Variants in CD38 observed in about 807,000 individuals in gnomAD.
CD38 encodes the protein CD38 molecule.
Under a neutral mutation model 36.3 loss-of-function variants are expected in CD38, and 31 were observed. That is an observed-to-expected ratio of 0.85 (90% confidence interval 0.64 to 1.15). The LOEUF (loss-of-function observed/expected upper bound fraction) is 1.15. Ranked by LOEUF, CD38 falls within the 50% of genes most tolerant of loss-of-function variation. The pLI, the probability that CD38 is intolerant of heterozygous loss-of-function variation, is 0.00. For missense variants in CD38, 380 were observed against 371.9 expected, an observed-to-expected ratio of 1.02 and a Z score of -0.18; for synonymous variants, 131 against 135.2, an observed-to-expected ratio of 0.97 and a Z score of 0.22.
chr4:15,810,321 T>C (rs1359762753), intron 1 of CD38, among the ~76,000 whole-genome samples: 1 of 152,220 alleles, frequency 6.6e-6, no homozygotes, highest in Non-Finnish European at 1.5e-5. Flanking sequence ...TGAAAGCATC[T>C]GGTACATGTA....
Position 15,848,528 on chromosome 4 carries a change from T to A in CD38, c.840-11T>A. On this transcript the variant is annotated splice_polypyrimidine_tract_variant and intron_variant, in intron 7 of 7. Coordinates refer to ENST00000226279, the MANE Select transcript of CD38 (RefSeq NM_001775.4). ...GGTCTCTTGATTTCCTTTTTTGCTT[T>A]CTTGTCATAGACCTGACAAGTTTCT... 1 of 1,609,104 alleles carries A rather than the reference T, an allele frequency of 6.2e-7. No homozygotes were observed. Among genetic ancestry groups the A allele is most frequent in the Non-Finnish European group, 8.5e-7 (1 of 1,175,474 alleles).
chr4:15,824,631 CT>C (rs1723806728), intron 2 of CD38, among the ~76,000 whole-genome samples: 1 of 152,016 alleles, frequency 6.6e-6, no homozygotes, highest in Non-Finnish European at 1.5e-5. Flanking sequence ...GGCTTTCAGA[CT>C]TTTTTGACTG....
intron 2 of CD38, among the ~76,000 whole-genome samples, chr4:15,823,810 T>G (rs1358171321): frequency 6.6e-6 from 1 of 152,168 alleles, no homozygotes; most frequent in Non-Finnish European, 1.5e-5. Context: ...ATCCCATTAC[T>G]GGGTATAATA....
intron 1 of CD38, among the ~76,000 whole-genome samples, chr4:15,808,714 A>G (rs1723399029): frequency 6.6e-6 from 1 of 152,202 alleles, no homozygotes; most frequent in Admixed American, 6.5e-5. Flanking sequence ...TTATAGTTGA[A>G]CAGTTCAAAA....
intron 1 of CD38, among the ~76,000 whole-genome samples, chr4:15,812,286 C>T (rs746681278): frequency 1.3e-5 from 2 of 152,180 alleles, no homozygotes; most frequent in African/African-American, 2.4e-5. Flanking sequence ...GTGTTCCTTA[C>T]ATTTCCATAT....
Position 15,806,442 on chromosome 4 carries a change from C to T in CD38, c.234-10069C>T, listed in dbSNP as rs143602774. On this transcript the variant is annotated intron_variant, in intron 1 of 7. Coordinates refer to ENST00000226279, the MANE Select transcript of CD38 (RefSeq NM_001775.4). ...CTCTGCCACTTGGACAAGGTGATAA[C>T]GCTTTAGTCTCTTTATTTCTAAAAC... Among the ~76,000 whole-genome samples the T allele has an allele frequency of 5.6e-3, 848 of 152,292 alleles. 2 individuals carry two copies. The highest frequency in any genetic ancestry group is 0.034 in the Middle Eastern group (10 of 294).
At chr4:15,800,025 A>G (rs1723185713) in intron 1 of CD38, among the ~76,000 whole-genome samples, 1 of 152,192 alleles carries the variant, frequency 6.6e-6, no homozygotes, top group Non-Finnish European at 1.5e-5. Flanking sequence ...CTCGGGGGGT[A>G]TGCCTGCAGC....
intron 2 of CD38, among the ~76,000 whole-genome samples, chr4:15,823,861 A>G (rs1201120296): frequency 1.3e-5 from 2 of 152,238 alleles, no homozygotes; most frequent in Admixed American, 6.5e-5. Flanking sequence ...GCATATGTTC[A>G]TTGCAGTGCC....
At chr4:15,809,126 C>T (rs181593997) in intron 1 of CD38, among the ~76,000 whole-genome samples, 15 of 152,242 alleles carry the variant, frequency 9.9e-5, no homozygotes, top group Admixed American at 7.8e-4. Context: ...CAGATGGCTG[C>T]GTGAAGAAAG....
chr4:15,786,915 C>T lies in CD38; in HGVS notation c.233+8268C>T, dbSNP rs1000467799. Among the ~76,000 whole-genome samples, 5 of 152,246 alleles carry T rather than the reference C, an allele frequency of 3.3e-5. 1 individual carries two copies. Among genetic ancestry groups the T allele is most frequent in the Non-Finnish European group, 7.3e-5 (5 of 68,046 alleles). On this transcript the variant is annotated intron_variant, in intron 1 of 7. Coordinates refer to ENST00000226279, the MANE Select transcript of CD38 (RefSeq NM_001775.4). ...AGCTGAGGCCCAGCAAGAATTGGAG[C>T]GCAGCGCCAGTGGGCCAGCACTGCT...
intron 2 of CD38, among the ~76,000 whole-genome samples, chr4:15,820,349 A>G (rs1286594661): frequency 6.6e-6 from 1 of 152,174 alleles, no homozygotes; most frequent in African/African-American, 2.4e-5. Context: ...TAACAAATTA[A>G]CCTTAAGTGT....
At position 15,840,032 on chromosome 4, in the gene CD38, T is replaced by G. The variant is rs1313363041; in HGVS notation, c.666T>G (p.Phe222Leu). The G allele has an allele frequency of 1.2e-6, 2 of 1,611,458 alleles. No homozygotes were observed. The highest frequency in any genetic ancestry group is 1.7e-6 in the Non-Finnish European group (2 of 1,177,572). Residue 222 changes from phenylalanine to leucine, a missense_variant, in exon 6 of 8, where the codon TTT becomes TTG. Phe to Leu is a conservative substitution (Grantham distance 22, BLOSUM62 0). Transcript: ENST00000226279. Reference protein sequence around the residue: ...RSKIFDKNSTFGSVEVHNLQP... With the variant: ...RSKIFDKNSTLGSVEVHNLQP... Reference sequence around the variant, plus strand: ...TTTGTTTCTTCTATTTTAGCACTTTTGGGAGTGTGGAAGTCCATAATTTGC... The same window carrying G: ...TTTGTTTCTTCTATTTTAGCACTTTGGGGAGTGTGGAAGTCCATAATTTGC...
At chr4:15,832,932 C>G (rs929693555) in intron 3 of CD38, among the ~76,000 whole-genome samples, 6 of 152,218 alleles carry the variant, frequency 3.9e-5, no homozygotes, top group African/African-American at 1.4e-4. Flanking sequence ...AGCTGGCATT[C>G]AAACCACAAG....
rs1724349706 is a variant in CD38 at position 15,849,933 on chromosome 4, T to C, written c.*1331T>C. ...TTTGATATGCCTCTCTTTATTATCC[T>C]TCAGTTAAAAATATCTTTCAATTCA... On this transcript the variant is annotated 3_prime_UTR_variant, in exon 8 of 8. Transcript: ENST00000226279. 6.6e-6 allele frequency: 1 copy of C among 152,226 alleles called. No homozygotes were observed. The allele number at this position is 152,226 out of a possible 1,614,324, so 9.4% of individuals were successfully genotyped here.
At chr4:15,833,851 G>C (rs1486455973) in intron 3 of CD38, among the ~76,000 whole-genome samples, 1 of 152,178 alleles carries the variant, frequency 6.6e-6, no homozygotes, top group Non-Finnish European at 1.5e-5. Flanking sequence ...AGAGTTGTCA[G>C]GAAGCAGAAA....
At position 15,824,443 on chromosome 4, in the gene CD38, G is replaced by C. The variant is rs113266887; in HGVS notation, c.364-438G>C. Among the ~76,000 whole-genome samples, 174 of 151,802 alleles carry C rather than the reference G, an allele frequency of 1.1e-3. 1 individual carries two copies. The highest frequency in any genetic ancestry group is 4.0e-3 in the African/African-American group (166 of 41,382). ...TCTATTGTATTTTTTTTTTAGTAGG[G>C]GTAGGGAATATTTAGGGAATTTGGA... On this transcript the variant is annotated intron_variant, in intron 2 of 7. Transcript: ENST00000226279.
chr4:15,819,001 G>C (rs926979877), intron 2 of CD38, among the ~76,000 whole-genome samples: 1 of 152,164 alleles, frequency 6.6e-6, no homozygotes, highest in Non-Finnish European at 1.5e-5. Flanking sequence ...ACTGGGCTGA[G>C]GCCCCTAAAA....
intron 3 of CD38, among the ~76,000 whole-genome samples, chr4:15,832,181 G>C (rs960085240): frequency 6.6e-6 from 1 of 152,114 alleles, no homozygotes; most frequent in Admixed American, 6.5e-5. Context: ...TCATCTGATA[G>C]AATTCTTGAA....
At position 15,853,003 on chromosome 4, in the gene CD38, G is replaced by A. The variant is rs1724431908; in HGVS notation, c.*4401G>A. The A allele has an allele frequency of 6.6e-6, 1 of 151,916 alleles. No homozygotes were observed. The highest frequency in any genetic ancestry group is 1.5e-5 in the Non-Finnish European group (1 of 67,988). 9.4% of individuals were successfully genotyped at this position (151,916 alleles called of 1,614,324 possible). A position where few individuals can be genotyped will look rare whatever the true frequency, so the allele number is the denominator to read the frequency against. ...TTTTTTGTATTTTTAGTAGAGACGG[G>A]GTTTCACCGTGTTAGCCAGGATAGG... On this transcript the variant is annotated 3_prime_UTR_variant, in exon 8 of 8. Coordinates refer to ENST00000226279, the MANE Select transcript of CD38 (RefSeq NM_001775.4).
Sources: gnomAD v4.1 joint callset for allele counts (sites outside exome capture counted in the v4.1 genomes callset) on GRCh38, gnomAD v4.1.1 for gene constraint, MANE v1.5 for transcripts, NCBI Gene and HGNC (gene_info 2026-07-23, HGNC 2026-07-21) for gene names.